The following NRTN variants were observed in gnomAD, a reference collection of about 807,000 sequenced individuals.
NRTN encodes the protein neurturin.
A neutral mutation model predicts 7.5 loss-of-function variants in NRTN; 3 were observed. The ratio of observed to expected loss-of-function variants is 0.40; its 90% CI spans 0.18 to 1.03. The LOEUF is 1.03. NRTN is among the 50% of genes least tolerant of loss of function. The pLI is 0.34. For synonymous variants in NRTN, 157 were observed against 146.6 expected (o/e 1.07, Z -0.51); for missense variants, 310 against 307.0 (o/e 1.01, Z -0.07).
chr19:5,824,235 C>T lies in NRTN; in HGVS notation c.70C>T (p.Arg24Ter), dbSNP rs138627618. Residue 24 changes from arginine (R) to a stop codon, truncating the protein, a stop_gained, in exon 2 of 3, where the codon CGA becomes TGA. Coordinates refer to ENST00000303212, the MANE Select transcript of NRTN (RefSeq NM_004558.5). LOFTEE classifies it high-confidence loss of function. ...CTCCGTGCTGTCCATCTGGATGTGTCGAGAGGGCCTGCTTCTCAGCCACCG... is the reference window on the plus strand; with the variant it reads ...CTCCGTGCTGTCCATCTGGATGTGTTGAGAGGGCCTGCTTCTCAGCCACCG... ...CSSVLSIWMC[R>*]EGLLLSHRLG... 6.2e-6 allele frequency: 10 copies of T among 1,612,222 alleles called. No homozygotes were observed. Among genetic ancestry groups the T allele is most frequent in the African/African-American group, 4.0e-5 (3 of 74,932 alleles).
At chr19:5,813,340 G>A (rs1408076787) in intron 1 of NRTN, among the ~76,000 whole-genome samples, 2 of 151,800 alleles carry the variant, frequency 1.3e-5, no homozygotes, top group Non-Finnish European at 2.9e-5. Context: ...TTTGAGACCA[G>A]CCTGGCCAAC....
Position 5,828,170 on chromosome 19 carries a change from G to C in NRTN, c.591G>C (p.Val197=). ...TGTCGGCGCGCGAGTGCGCCTGCGT[G>C]TGACCCTACCTCACTCGGCCGGCGC... is the stretch of plus-strand genomic sequence containing the variant. ...HELSARECAC[V] is the part of the protein sequence containing the mutation. Residue 197 remains valine (V), a synonymous_variant, in exon 3 of 3, where the codon GTG becomes GTC. Transcript: ENST00000303212. The C allele has an allele frequency of 6.5e-7, 1 of 1,530,802 alleles. No homozygotes were observed. 94.8% of individuals were successfully genotyped at this position (1,530,802 alleles called of 1,614,324 possible). A position where few individuals can be genotyped will look rare whatever the true frequency, so the allele number is the denominator to read the frequency against.
In NRTN at chr19:5,828,266, G is replaced by T. The variant is rs1599641656; in HGVS notation, c.*93G>T. 1.5e-6 allele frequency: 2 copies of T among 1,365,386 alleles called. No homozygotes were observed. Among genetic ancestry groups the T allele is most frequent in the Non-Finnish European group, 2.0e-6 (2 of 1,019,788 alleles). The allele number at this position is 1,365,386 out of a possible 1,614,324, so 84.6% of individuals were successfully genotyped here. On this transcript the variant is annotated 3_prime_UTR_variant, in exon 3 of 3. Coordinates refer to ENST00000303212, the MANE Select transcript of NRTN (RefSeq NM_004558.5). Reference sequence around the variant, plus strand: ...GAAAGACTGCGCGTGCGTAGAGCACGCCGGCGCGGCCCCGGGACTCTCGCG... The same window carrying T: ...GAAAGACTGCGCGTGCGTAGAGCACTCCGGCGCGGCCCCGGGACTCTCGCG...
At chr19:5,815,460 CT>C (rs1307907511) in intron 1 of NRTN, among the ~76,000 whole-genome samples, 2 of 131,698 alleles carry the variant, frequency 1.5e-5, no homozygotes, top group Non-Finnish European at 3.1e-5. Flanking sequence ...GAGACGAAGT[CT>C]CGGTCTGTCA....
chr19:5,825,772 C>A lies in NRTN; in HGVS notation c.169+1438C>A, dbSNP rs116223007. On this transcript the variant is annotated intron_variant, in intron 2 of 2. Transcript: ENST00000303212. Reference sequence around the variant, plus strand: ...TCCTGGTGGAATTTCAGGCTGGGGACCTTGTGTTCTAGCCCCTGTGCAAGC... The same window carrying A: ...TCCTGGTGGAATTTCAGGCTGGGGAACTTGTGTTCTAGCCCCTGTGCAAGC... Among the ~76,000 whole-genome samples the A allele has an allele frequency of 4.6e-3, 695 of 152,274 alleles. 7 individuals are homozygous for A. The highest frequency in any genetic ancestry group is 0.016 in the African/African-American group (655 of 41,564).
intron 1 of NRTN, among the ~76,000 whole-genome samples, chr19:5,813,351 A>G (rs1307311170): frequency 2.6e-5 from 4 of 151,590 alleles, no homozygotes; most frequent in African/African-American, 9.7e-5. Context: ...CCTGGCCAAC[A>G]TGGTGAAACC....
chr19:5,806,054 G>A lies in NRTN; in HGVS notation c.-399+603G>A, dbSNP rs979861288. Among the ~76,000 whole-genome samples, 1 of 152,194 alleles carries A rather than the reference G, an allele frequency of 6.6e-6. No individual in the cohort carries two copies. Among genetic ancestry groups the A allele is most frequent in the African/African-American group, 2.4e-5 (1 of 41,460 alleles). ...CGTGAAACCCTTTGGTGTTGGGGGT[G>A]GGGGTCCCTTAAGGGCAAAGCCTGG... On this transcript the variant is annotated intron_variant, in intron 1 of 2. Coordinates refer to ENST00000303212, the MANE Select transcript of NRTN (RefSeq NM_004558.5). The surrounding 1 kb of genome is among the most constrained non-coding windows in gnomAD (Gnocchi z 5.4).
chr19:5,814,016 T>C (rs1257205902), intron 1 of NRTN, among the ~76,000 whole-genome samples: 1 of 151,876 alleles, frequency 6.6e-6, no homozygotes, highest in Non-Finnish European at 1.5e-5. Context: ...TCAAAAAATA[T>C]ATATATATAT....
At chr19:5,817,187 A>G (rs576526845) in intron 1 of NRTN, among the ~76,000 whole-genome samples, 2 of 151,734 alleles carry the variant, frequency 1.3e-5, no homozygotes, top group East Asian at 3.9e-4. Context: ...AAACAAAAAC[A>G]AAAACAAAAA....
intron 2 of NRTN, among the ~76,000 whole-genome samples, chr19:5,824,864 C>G (rs548398004): frequency 6.6e-6 from 1 of 152,198 alleles, no homozygotes; most frequent in African/African-American, 2.4e-5. Context: ...CCTGGTGGAG[C>G]TAGGGTGACT....
intron 1 of NRTN, among the ~76,000 whole-genome samples, chr19:5,817,463 AAG>A (rs59447241): frequency 6.8e-5 from 8 of 117,416 alleles, no homozygotes; most frequent in South Asian, 2.7e-4. Flanking sequence ...GAAAGAGAGA[AAG>A]AGAGGAAGGA....
chr19:5,810,294 G>A (rs868580358), intron 1 of NRTN, among the ~76,000 whole-genome samples: 109 of 144,216 alleles, frequency 7.6e-4, no homozygotes, highest in South Asian at 2.3e-3. Context: ...ATTTTTTTTT[G>A]TAAAGACAGA....
chr19:5,823,204 T>C (rs888003006), intron 1 of NRTN, among the ~76,000 whole-genome samples: 1 of 151,772 alleles, frequency 6.6e-6, no homozygotes, highest in Non-Finnish European at 1.5e-5. Flanking sequence ...ATCACTTGAG[T>C]TCAGGAGCTT....
chr19:5,808,914 C>T (rs2056981814), intron 1 of NRTN, among the ~76,000 whole-genome samples: 2 of 152,064 alleles, frequency 1.3e-5, no homozygotes, highest in South Asian at 4.2e-4. Context: ...CACCACCACG[C>T]CCGGCTAATT....
chr19:5,823,043 GAGAGAA>G (rs1301419839), intron 1 of NRTN, among the ~76,000 whole-genome samples: 2 of 147,340 alleles, frequency 1.4e-5, no homozygotes, highest in African/African-American at 2.5e-5. Flanking sequence ...GAAAGAGAGA[GAGAGAA>G]AGAAAGAAAG....
In NRTN at chr19:5,825,820, C is replaced by A. The variant is rs553207282; in HGVS notation, c.169+1486C>A. 3.3e-5 allele frequency among the ~76,000 whole-genome samples: 5 copies of A among 152,318 alleles called. No individual in the cohort carries two copies. The South Asian group carries it at 1.0e-3, about 32-fold the overall frequency. ...AGCAGCCAGCCCCGCTGCAGGGAGG[C>A]AGGGACAGACATCCTAAAAGATGAT... On this transcript the variant is annotated intron_variant, in intron 2 of 2. Transcript: ENST00000303212.
intron 1 of NRTN, among the ~76,000 whole-genome samples, chr19:5,817,127 A>G (rs1417460524): frequency 1.3e-5 from 2 of 152,042 alleles, no homozygotes; most frequent in Non-Finnish European, 1.5e-5. Context: ...GCTTGAGGCC[A>G]AGAGTTTGAG....
intron 1 of NRTN, among the ~76,000 whole-genome samples, chr19:5,815,458 G>T (rs1209849328): frequency 2.2e-5 from 3 of 138,434 alleles, no homozygotes; most frequent in Admixed American, 1.6e-4. Flanking sequence ...TGGAGACGAA[G>T]TCTCGGTCTG....
intron 1 of NRTN, among the ~76,000 whole-genome samples, chr19:5,805,841 G>T (rs1243244608): frequency 6.6e-6 from 1 of 152,048 alleles, no homozygotes. Context: ...CCAAGGGGCC[G>T]TTGGGGGGCT....
Sources: allele counts gnomAD v4.1 joint callset (sites outside exome capture counted in the v4.1 genomes callset), GRCh38; gene constraint gnomAD v4.1.1; non-coding constraint Gnocchi (gnomAD v3.1); transcripts MANE v1.5; gene names NCBI Gene and HGNC (gene_info 2026-07-23, HGNC 2026-07-21).